The following EYA2 variants were observed in gnomAD, a reference collection of about 807,000 sequenced individuals.
EYA2 encodes the protein protein phosphatase EYA2.
A neutral mutation model predicts 69.2 loss-of-function variants in EYA2; 31 were observed. The observed-to-expected ratio is 0.45, with a 90% CI of 0.34 to 0.60. EYA2 has a LOEUF of 0.60. Ranked by LOEUF, EYA2 falls within the 20% of genes least tolerant of loss-of-function variation. The pLI is 0.02. For synonymous variants in EYA2, 257 were observed against 279.4 expected, an observed-to-expected ratio of 0.92 and a Z score of 0.80; for missense variants, 622 against 701.2, an observed-to-expected ratio of 0.89 and a Z score of 1.28.
intron 1 of EYA2, among the ~76,000 whole-genome samples, chr20:46,986,421 A>ATAATATC (rs1981214890): frequency 6.8e-6 from 1 of 146,788 alleles, no homozygotes; most frequent in African/African-American, 2.5e-5. Context: ...TAATATCTAT[A>ATAATATC]TATATAATAT....
At chr20:46,917,481 G>T (rs940481128) in intron 1 of EYA2, among the ~76,000 whole-genome samples, 1 of 152,224 alleles carries the variant, frequency 6.6e-6, no homozygotes, top group Non-Finnish European at 1.5e-5. Context: ...TGGGACTCAG[G>T]TCAGACAGAC....
chr20:46,909,272 A>G (rs745588263), intron 1 of EYA2, among the ~76,000 whole-genome samples: 3 of 152,110 alleles, frequency 2.0e-5, no homozygotes, highest in Admixed American at 6.5e-5. Flanking sequence ...ATAGTTTCCA[A>G]TGGCTACAGA....
intron 5 of EYA2, among the ~76,000 whole-genome samples, chr20:47,060,303 T>C (rs772726585): frequency 1.3e-5 from 2 of 152,222 alleles, no homozygotes; most frequent in Non-Finnish European, 2.9e-5. Flanking sequence ...TTTATCCTTC[T>C]CCCATTTTGG....
At chr20:47,145,628 G>A (rs1024517765) in intron 10 of EYA2, among the ~76,000 whole-genome samples, 1 of 152,202 alleles carries the variant, frequency 6.6e-6, no homozygotes, top group African/African-American at 2.4e-5. Context: ...TCTGGGCATG[G>A]TGGCTCACAC....
chr20:46,898,424 C>CACACACACACA (rs59636308), intron 1 of EYA2, among the ~76,000 whole-genome samples: 1 of 146,582 alleles, frequency 6.8e-6, no homozygotes, highest in Non-Finnish European at 1.5e-5. Context: ...CACACACACA[C>CACACACACACA]CACAATTCTT....
intron 5 of EYA2, among the ~76,000 whole-genome samples, chr20:47,066,544 A>G (rs1028788826): frequency 6.6e-6 from 1 of 152,170 alleles, no homozygotes; most frequent in African/African-American, 2.4e-5. Context: ...TGGGGGTCCA[A>G]GCTCCTCATG....
intron 9 of EYA2, among the ~76,000 whole-genome samples, chr20:47,126,162 A>G (rs1285608550): frequency 6.6e-6 from 1 of 152,178 alleles, no homozygotes; most frequent in Non-Finnish European, 1.5e-5. Context: ...TAAGAAAGGA[A>G]AGGGCCTGGG....
rs184719564 is a variant in EYA2, at chr20:47,151,034, G to T, written c.978+7886G>T. On this transcript the variant is annotated intron_variant, in intron 10 of 15. Transcript: ENST00000327619. ...CCTTTCCTCGGTTTTCATCACAGTAGCCAGAGAGGTGAAAAGGAAAGCTGA... is the reference window on the plus strand; with the variant it reads ...CCTTTCCTCGGTTTTCATCACAGTATCCAGAGAGGTGAAAAGGAAAGCTGA... Among the ~76,000 whole-genome samples, 594 of 152,158 alleles carry T rather than the reference G, an allele frequency of 3.9e-3. 2 individuals are homozygous for T. Among genetic ancestry groups the T allele is most frequent in the Non-Finnish European group, 6.0e-3 (411 of 68,028 alleles).
chr20:47,050,681 C>T (rs551082815), intron 5 of EYA2, among the ~76,000 whole-genome samples: 1 of 152,348 alleles, frequency 6.6e-6, no homozygotes, highest in South Asian at 2.1e-4. Context: ...TGGGAGACAT[C>T]TTAAAGGAAG....
chr20:47,027,819 A>G (rs534178579), intron 5 of EYA2, among the ~76,000 whole-genome samples: 1 of 152,230 alleles, frequency 6.6e-6, no homozygotes, highest in African/African-American at 2.4e-5. Context: ...GGTTAGTGCA[A>G]CTGAGGAATT....
At chr20:47,138,554 A>G (rs970281200) in intron 9 of EYA2, among the ~76,000 whole-genome samples, 2 of 152,114 alleles carry the variant, frequency 1.3e-5, no homozygotes, top group African/African-American at 2.4e-5. Flanking sequence ...GTTTGAGACC[A>G]GCCTGGGCAA....
intron 9 of EYA2, among the ~76,000 whole-genome samples, chr20:47,101,852 G>C (rs1210818037): frequency 2.0e-5 from 3 of 152,172 alleles, no homozygotes; most frequent in African/African-American, 7.2e-5. Flanking sequence ...TGTGTAGTTG[G>C]TGGGATATTC....
At chr20:47,183,664 A>C (rs949057484) in intron 15 of EYA2, among the ~76,000 whole-genome samples, 3 of 152,216 alleles carry the variant, frequency 2.0e-5, no homozygotes, top group Non-Finnish European at 4.4e-5. Flanking sequence ...ACGCTCCGGC[A>C]GGGCAGGCTG....
intron 1 of EYA2, among the ~76,000 whole-genome samples, chr20:46,926,432 G>A (rs896498924): frequency 1.3e-5 from 2 of 152,206 alleles, no homozygotes; most frequent in Admixed American, 1.3e-4. Flanking sequence ...ACAGTTCAAG[G>A]GCAGGGGAAG....
At chr20:47,097,780 A>G (rs2032295519) in intron 9 of EYA2, among the ~76,000 whole-genome samples, 1 of 152,178 alleles carries the variant, frequency 6.6e-6, no homozygotes, top group Non-Finnish European at 1.5e-5. Context: ...TAAAACTCAA[A>G]CCTTGTCAAT....
chr20:47,064,604 C>A (rs914735130), intron 5 of EYA2, among the ~76,000 whole-genome samples: 3 of 152,224 alleles, frequency 2.0e-5, no homozygotes, highest in East Asian at 3.8e-4. Flanking sequence ...ATTCCACCAG[C>A]GTGTGTGAGT....
At chr20:47,137,644 TTCAGCAG>T (rs1205000499) in intron 9 of EYA2, among the ~76,000 whole-genome samples, 1 of 152,364 alleles carries the variant, frequency 6.6e-6, no homozygotes, top group East Asian at 1.9e-4. Context: ...TAGGGCTGCA[TTCAGCAG>T]GCAGCCCAGG....
intron 5 of EYA2, among the ~76,000 whole-genome samples, chr20:47,071,300 GC>G (rs1341801733): frequency 1.3e-5 from 2 of 151,902 alleles, no homozygotes; most frequent in Non-Finnish European, 2.9e-5. Flanking sequence ...GAGCCACTGT[GC>G]CCAGCCAATG....
At chr20:47,074,612 A>G (rs915002877) in intron 7 of EYA2, among the ~76,000 whole-genome samples, 3 of 152,202 alleles carry the variant, frequency 2.0e-5, no homozygotes, top group Admixed American at 6.5e-5. Flanking sequence ...AATTTTATAA[A>G]TACCTAAAAA....
Sources: gnomAD v4.1 joint callset for allele counts (sites outside exome capture counted in the v4.1 genomes callset) on GRCh38, gnomAD v4.1.1 for gene constraint, MANE v1.5 for transcripts, NCBI Gene and HGNC (gene_info 2026-07-23, HGNC 2026-07-21) for gene names.